Variants in DLGAP2 observed in about 807,000 individuals in gnomAD.
DLGAP2 encodes DLG associated protein 2, also known as disks large-associated protein 2.
DLGAP2 carries 26 observed loss-of-function variants against 100.3 expected under a neutral mutation model. The ratio of observed to expected loss-of-function variants is 0.26; its 90% CI spans 0.19 to 0.36. The LOEUF (loss-of-function observed/expected upper bound fraction) is 0.36. DLGAP2 is among the 10% of genes least tolerant of loss of function. The pLI is 1.00. For synonymous variants in DLGAP2, 886 were observed against 630.1 expected, an observed-to-expected ratio of 1.41 and a Z score of -6.08; for missense variants, 1,858 against 1,453.2, an observed-to-expected ratio of 1.28 and a Z score of -4.53.
At chr8:1,685,944 G>C (rs1799103164) in intron 12 of DLGAP2, among the ~76,000 whole-genome samples, 1 of 152,152 alleles carries the variant, frequency 6.6e-6, no homozygotes, top group Non-Finnish European at 1.5e-5. Flanking sequence ...TGTCACAGGT[G>C]CGGAGTAAGG....
Position 1,558,062 on chromosome 8 carries a change from G to T in DLGAP2, c.1231-7621G>T, listed in dbSNP as rs151304522. On this transcript the variant is annotated intron_variant, in intron 5 of 14. Coordinates refer to ENST00000637795, the MANE Select transcript of DLGAP2 (RefSeq NM_001346810.2). ...CTCAGCCATTGGCTGGCACCTCCTG[G>T]CAGGTTGGAGCAGGCACCTTGGTCC... is the stretch of plus-strand genomic sequence containing the variant. Among the ~76,000 whole-genome samples, 11 of 152,326 alleles carry T rather than the reference G, an allele frequency of 7.2e-5. No homozygotes were observed. In the East Asian group the frequency reaches 2.1e-3, roughly 29 times the overall value.
intron 2 of DLGAP2, among the ~76,000 whole-genome samples, chr8:1,158,870 T>C (rs1163991464): frequency 1.3e-5 from 2 of 152,232 alleles, no homozygotes; most frequent in African/African-American, 4.8e-5. Context: ...ACTTCCTATT[T>C]TCCAAAGGAC....
intron 1 of DLGAP2, among the ~76,000 whole-genome samples, chr8:855,216 T>G (rs1797254444): frequency 6.6e-6 from 1 of 152,208 alleles, no homozygotes; most frequent in African/African-American, 2.4e-5. Context: ...GATCATTGAC[T>G]CCAGCTATGT....
At chr8:1,228,878 A>T (rs2116829280) in intron 2 of DLGAP2, among the ~76,000 whole-genome samples, 1 of 152,314 alleles carries the variant, frequency 6.6e-6, no homozygotes, top group South Asian at 2.1e-4. Flanking sequence ...CAAGACAAAG[A>T]TCTTGGCTGT....
intron 3 of DLGAP2, among the ~76,000 whole-genome samples, chr8:1,376,409 G>A (rs867596826): frequency 2.0e-5 from 3 of 152,364 alleles, no homozygotes; most frequent in Admixed American, 6.5e-5. Flanking sequence ...AAAGCGCCCC[G>A]CTGCATGGCC....
intron 2 of DLGAP2, among the ~76,000 whole-genome samples, chr8:1,152,312 A>T (rs76547493): frequency 0.029 from 4,463 of 152,266 alleles, 233 homozygotes; most frequent in African/African-American, 0.1. Flanking sequence ...TTTTTAACAT[A>T]TGTAAATTGT....
At chr8:1,270,217 G>A (rs909657651) in intron 3 of DLGAP2, among the ~76,000 whole-genome samples, 5 of 152,148 alleles carry the variant, frequency 3.3e-5, no homozygotes, top group African/African-American at 9.7e-5. Flanking sequence ...GCATGGGATT[G>A]AGAATATGAG....
chr8:1,100,343 G>C (rs190259562), intron 2 of DLGAP2, among the ~76,000 whole-genome samples: 1 of 151,714 alleles, frequency 6.6e-6, no homozygotes, highest in Non-Finnish European at 1.5e-5. Flanking sequence ...AGTGTACAGC[G>C]TGTGTAGGGA....
chr8:1,669,953 A>T (rs4876119), intron 10 of DLGAP2, among the ~76,000 whole-genome samples, 169 bp downstream of exon 10: 1 of 152,010 alleles, frequency 6.6e-6, no homozygotes, highest in Admixed American at 6.5e-5. Flanking sequence ...GGGGCTCACC[A>T]GGGTCCCTAA....
At chr8:1,182,470 C>G (rs1797410924) in intron 2 of DLGAP2, among the ~76,000 whole-genome samples, 1 of 152,142 alleles carries the variant, frequency 6.6e-6, no homozygotes, top group Admixed American at 6.5e-5. Flanking sequence ...TTGCTGAATT[C>G]TCGTAGCCCT....
intron 3 of DLGAP2, among the ~76,000 whole-genome samples, chr8:1,373,989 A>C (rs1802320581): frequency 6.6e-6 from 1 of 151,978 alleles, no homozygotes; most frequent in Admixed American, 6.6e-5. Context: ...AATAGATCAC[A>C]AAATGCAACC....
intron 1 of DLGAP2, among the ~76,000 whole-genome samples, chr8:771,082 A>G (rs1456673428): frequency 6.6e-6 from 1 of 152,174 alleles, no homozygotes; most frequent in Non-Finnish European, 1.5e-5. Flanking sequence ...AAGTTGTGAC[A>G]GGTCCCTTGG....
intron 2 of DLGAP2, among the ~76,000 whole-genome samples, chr8:936,043 C>T (rs1799062394): frequency 6.6e-6 from 1 of 152,184 alleles, no homozygotes; most frequent in Admixed American, 6.5e-5. Context: ...GGACCCGTCT[C>T]CAACCTGCTG....
At chr8:1,051,172 G>A (rs1473233676) in intron 2 of DLGAP2, among the ~76,000 whole-genome samples, 1 of 152,002 alleles carries the variant, frequency 6.6e-6, no homozygotes, top group East Asian at 1.9e-4. Context: ...TTCTTCCTGG[G>A]CAACATTGTC....
chr8:1,105,516 G>A (rs923504936), intron 2 of DLGAP2, among the ~76,000 whole-genome samples: 2 of 152,126 alleles, frequency 1.3e-5, no homozygotes, highest in Non-Finnish European at 2.9e-5. Flanking sequence ...TGCTGAGCGG[G>A]GGTCTGTGCC....
chr8:1,659,788 C>G (rs148974243), intron 8 of DLGAP2, among the ~76,000 whole-genome samples: 204 of 152,254 alleles, frequency 1.3e-3, no homozygotes, highest in Non-Finnish European at 2.2e-3. Context: ...GGTCTTGACT[C>G]TTTATCCAGT....
At position 1,152,574 on chromosome 8, in the gene DLGAP2, T is replaced by C. The variant is rs183828144; in HGVS notation, c.74-106277T>C. ...AAGTGCAAAGCAGTGAGTAAGGTGG[T>C]GGTTGATGGAATGATGTCATGGGGG... On this transcript the variant is annotated intron_variant, in intron 2 of 14. Transcript: ENST00000637795. Among the ~76,000 whole-genome samples, 368 of 150,898 alleles carry C rather than the reference T, an allele frequency of 2.4e-3. 7 individuals carry two copies. The highest frequency in any genetic ancestry group is 3.1e-4 in the Non-Finnish European group (21 of 67,744).
chr8:1,255,286 G>T (rs558470858), intron 2 of DLGAP2, among the ~76,000 whole-genome samples: 1 of 100,030 alleles, frequency 1.0e-5, no homozygotes, highest in Non-Finnish European at 1.8e-5. Flanking sequence ...CTCCTGCCTG[G>T]GTGCTGTGTG....
intron 3 of DLGAP2, among the ~76,000 whole-genome samples, chr8:1,359,578 C>T (rs554069180): frequency 6.6e-6 from 1 of 152,194 alleles, no homozygotes; most frequent in Non-Finnish European, 1.5e-5. Flanking sequence ...GGCCGCTCAG[C>T]GGGAGTGTGT....
Sources: allele counts gnomAD v4.1 joint callset (sites outside exome capture counted in the v4.1 genomes callset), GRCh38; gene constraint gnomAD v4.1.1; transcripts MANE v1.5; gene names NCBI Gene and HGNC (gene_info 2026-07-23, HGNC 2026-07-21).